The following CNBD1 variants were observed in gnomAD, a reference collection of about 807,000 sequenced individuals.
CNBD1 encodes cyclic nucleotide binding domain containing 1, also known as cyclic nucleotide-binding domain-containing protein 1.
CNBD1 carries 71 observed loss-of-function variants against 54.4 expected under a neutral mutation model. That is an observed-to-expected ratio of 1.30 (90% confidence interval 1.08 to 1.59). CNBD1 has a LOEUF of 1.59. Ranked by LOEUF, CNBD1 falls within the 40% of genes most tolerant of loss-of-function variation. CNBD1 has a pLI of 0.00. For missense variants in CNBD1, 659 were observed against 518.0 expected (o/e 1.27, Z -2.64); for synonymous variants, 182 against 170.7 (o/e 1.07, Z -0.51).
At chr8:87,085,332 T>C (rs947024935) in intron 4 of CNBD1, among the ~76,000 whole-genome samples, 1 of 152,162 alleles carries the variant, frequency 6.6e-6, no homozygotes, top group African/African-American at 2.4e-5. Flanking sequence ...TGCTTTGTTG[T>C]GTTTCTCAAA....
chr8:87,336,443 A>G (rs1342696131), intron 8 of CNBD1, among the ~76,000 whole-genome samples: 1 of 151,902 alleles, frequency 6.6e-6, no homozygotes, highest in Non-Finnish European at 1.5e-5. Context: ...TATTTCAGCC[A>G]GATGGTCTTC....
intron 10 of CNBD1, among the ~76,000 whole-genome samples, chr8:87,374,164 G>A (rs777871881): frequency 6.6e-6 from 1 of 151,714 alleles, no homozygotes; most frequent in Admixed American, 6.6e-5. Context: ...GTATATGACA[G>A]CTCTTTCCAA....
chr8:87,346,815 T>C (rs1586034200), intron 8 of CNBD1, among the ~76,000 whole-genome samples: 1 of 152,224 alleles, frequency 6.6e-6, no homozygotes, highest in African/African-American at 2.4e-5. Flanking sequence ...ATTCCAAGCA[T>C]TCAGAGTCAC....
At chr8:87,422,151 G>C (rs1279098428) in intron 2 of CNBD1, among the ~76,000 whole-genome samples, 1 of 146,744 alleles carries the variant, frequency 6.8e-6, no homozygotes, top group Non-Finnish European at 1.5e-5. Flanking sequence ...ATTTGTTTGA[G>C]TTCATTGTAG....
chr8:87,181,927 T>C (rs539527191), intron 4 of CNBD1, among the ~76,000 whole-genome samples: 1 of 152,156 alleles, frequency 6.6e-6, no homozygotes. Context: ...AGGGGATACA[T>C]GTGCAGGTTT....
At chr8:87,085,076 A>G (rs1199164441) in intron 4 of CNBD1, among the ~76,000 whole-genome samples, 2 of 152,092 alleles carry the variant, frequency 1.3e-5, no homozygotes, top group African/African-American at 2.4e-5. Context: ...ATTCCCAGTC[A>G]TTATCTTTTC....
At chr8:87,089,969 C>T (rs1473975265) in intron 4 of CNBD1, among the ~76,000 whole-genome samples, 1 of 152,042 alleles carries the variant, frequency 6.6e-6, no homozygotes, top group African/African-American at 2.4e-5. Flanking sequence ...ATTTCTATTT[C>T]TCCTATTTTA....
chr8:87,334,568 G>A (rs1166898255), intron 8 of CNBD1, among the ~76,000 whole-genome samples: 1 of 98,574 alleles, frequency 1.0e-5, no homozygotes, highest in Non-Finnish European at 2.0e-5. Flanking sequence ...AGAGATTCTG[G>A]TATGTTTTTC....
chr8:87,302,150 C>G (rs974202627), intron 8 of CNBD1, among the ~76,000 whole-genome samples: 4 of 152,162 alleles, frequency 2.6e-5, no homozygotes, highest in Non-Finnish European at 5.9e-5. Flanking sequence ...AGGCAAGCAT[C>G]ATCCTGATAC....
chr8:86,913,767 G>C (rs1432469565), intron 3 of CNBD1, among the ~76,000 whole-genome samples: 2 of 152,148 alleles, frequency 1.3e-5, no homozygotes, highest in Non-Finnish European at 2.9e-5. Context: ...GAACCTGTCT[G>C]AGTAGAATTC....
chr8:87,295,688 A>G (rs1004651265), intron 8 of CNBD1, among the ~76,000 whole-genome samples: 11 of 152,190 alleles, frequency 7.2e-5, no homozygotes, highest in African/African-American at 2.6e-4. Context: ...AACATAAACT[A>G]TATTTCCTAT....
At chr8:86,967,632 T>A (rs74672446) in intron 4 of CNBD1, among the ~76,000 whole-genome samples, 5,095 of 152,368 alleles carry the variant, frequency 0.033, 108 homozygotes, top group Non-Finnish European at 0.044. Flanking sequence ...TAACATTTTT[T>A]AAATTCTTTC....
intron 1 of CNBD1, among the ~76,000 whole-genome samples, chr8:86,870,787 T>C (rs1331797681): frequency 6.6e-6 from 1 of 152,066 alleles, no homozygotes; most frequent in Admixed American, 6.6e-5. Flanking sequence ...GGTTGTATAA[T>C]GTATAAAGAA....
At chr8:86,987,573 T>C (rs923517772) in intron 4 of CNBD1, among the ~76,000 whole-genome samples, 5 of 152,192 alleles carry the variant, frequency 3.3e-5, no homozygotes, top group Non-Finnish European at 5.9e-5. Flanking sequence ...CTTCCTTGTC[T>C]TGTTCCAGTT....
chr8:87,405,314 T>C (rs920772831), intron 2 of CNBD1, among the ~76,000 whole-genome samples: 1 of 152,092 alleles, frequency 6.6e-6, no homozygotes, highest in African/African-American at 2.4e-5. Flanking sequence ...TATTTCACCT[T>C]GTGGATTAGA....
rs368632867 is a variant in CNBD1 at position 87,058,619 on chromosome 8, T to C, written c.431+118865T>C. Reference sequence around the variant, plus strand: ...AACACCACATGAATTCTTCTAAGGCTGGGGGCTTGCCTTCTCTGAAGCAAT... The same window carrying C: ...AACACCACATGAATTCTTCTAAGGCCGGGGGCTTGCCTTCTCTGAAGCAAT... On this transcript the variant is annotated intron_variant, in intron 4 of 10. Transcript: ENST00000518476. 1.0e-3 allele frequency among the ~76,000 whole-genome samples: 152 copies of C among 152,320 alleles called. 1 individual carries two copies. In the Middle Eastern group the frequency reaches 0.014, roughly 14 times the overall value.
intron 4 of CNBD1, among the ~76,000 whole-genome samples, chr8:87,187,399 CTT>C (rs1391235615): frequency 1.3e-5 from 2 of 150,796 alleles, no homozygotes; most frequent in Non-Finnish European, 2.9e-5. Context: ...ATGGTTCTAA[CTT>C]TATATGAGGA....
At position 87,200,061 on chromosome 8, in the gene CNBD1, TA is replaced by T. The variant is rs531305624; in HGVS notation, c.432-5924del. ...TATCCCAATAAAATGGTTTTTAAAA[TA>T]AAAAAAATAAAAACAATACAAAATG... is the stretch of plus-strand genomic sequence containing the variant. On this transcript the variant is annotated intron_variant, in intron 4 of 10. Coordinates refer to ENST00000518476, the MANE Select transcript of CNBD1 (RefSeq NM_173538.3). Among the ~76,000 whole-genome samples, 8 of 151,700 alleles carry T rather than the reference TA, an allele frequency of 5.3e-5. No individual in the cohort carries two copies. The East Asian group carries it at 1.2e-3, about 22-fold the overall frequency.
At chr8:87,079,495 T>G (rs1810944079) in intron 4 of CNBD1, among the ~76,000 whole-genome samples, 1 of 152,132 alleles carries the variant, frequency 6.6e-6, no homozygotes. Flanking sequence ...TTGTCAGTCT[T>G]TTTAATATAG....
Sources: gnomAD v4.1 joint callset for allele counts (sites outside exome capture counted in the v4.1 genomes callset) on GRCh38, gnomAD v4.1.1 for gene constraint, MANE v1.5 for transcripts, NCBI Gene and HGNC (gene_info 2026-07-23, HGNC 2026-07-21) for gene names.